Variants in TBC1D5 observed in about 807,000 individuals in gnomAD.
The protein encoded by TBC1D5 is TBC1 domain family, member 5.
TBC1D5 carries 75 observed loss-of-function variants against 100.3 expected under a neutral mutation model. The ratio of observed to expected loss-of-function variants is 0.75; its 90% CI spans 0.62 to 0.91. The LOEUF (loss-of-function observed/expected upper bound fraction) is 0.91, where lower values mean the gene tolerates loss of function less well. TBC1D5 is among the 40% of genes least tolerant of loss of function. The pLI is 0.00. For missense variants in TBC1D5, 910 were observed against 942.4 expected (o/e 0.97, Z 0.45); for synonymous variants, 323 against 325.6 (o/e 0.99, Z 0.09).
At chr3:17,569,639 A>C (rs1263569934) in intron 2 of TBC1D5, among the ~76,000 whole-genome samples, 4 of 151,714 alleles carry the variant, frequency 2.6e-5, no homozygotes, top group Admixed American at 6.6e-5. Flanking sequence ...AATGCACTTG[A>C]GCCTGAAGCT....
intron 13 of TBC1D5, among the ~76,000 whole-genome samples, chr3:17,361,763 G>A (rs1413009725): frequency 6.6e-6 from 1 of 151,846 alleles, no homozygotes; most frequent in Non-Finnish European, 1.5e-5. Context: ...GTAACTTATA[G>A]CAATAAAAAC....
intron 3 of TBC1D5, among the ~76,000 whole-genome samples, chr3:17,507,051 A>T (rs183156840): frequency 6.6e-6 from 1 of 152,264 alleles, no homozygotes; most frequent in East Asian, 1.9e-4. Context: ...AACAAAAACT[A>T]TGTCCTCAAA....
At chr3:17,226,488 C>T (rs759225024) in intron 17 of TBC1D5, among the ~76,000 whole-genome samples, 4 of 152,174 alleles carry the variant, frequency 2.6e-5, no homozygotes, top group Admixed American at 1.3e-4. Flanking sequence ...CTGTTGATGG[C>T]TCCCCTGAGT....
At chr3:17,587,599 A>G (rs187467525) in intron 2 of TBC1D5, among the ~76,000 whole-genome samples, 390 of 152,140 alleles carry the variant, frequency 2.6e-3, no homozygotes, top group Non-Finnish European at 4.9e-3. Context: ...TATTGAATAC[A>G]ATTCATGTTT....
intron 1 of TBC1D5, among the ~76,000 whole-genome samples, chr3:17,646,369 T>C (rs1430505618): frequency 6.6e-6 from 1 of 152,100 alleles, no homozygotes; most frequent in South Asian, 2.1e-4. Context: ...AGTTTTTGGT[T>C]CTTTGTTATG....
chr3:17,248,008 T>G (rs1246064332), intron 16 of TBC1D5, among the ~76,000 whole-genome samples: 1 of 151,622 alleles, frequency 6.6e-6, no homozygotes, highest in Non-Finnish European at 1.5e-5. Context: ...TTTTTTTTCT[T>G]CTAAACAGAG....
intron 1 of TBC1D5, among the ~76,000 whole-genome samples, chr3:17,735,571 C>T (rs2076898332): frequency 6.6e-6 from 1 of 152,304 alleles, no homozygotes; most frequent in Non-Finnish European, 1.5e-5. Flanking sequence ...GGAATGGAAC[C>T]TTGGGCCTTA....
At chr3:17,633,585 AG>A (rs763501941) in intron 1 of TBC1D5, among the ~76,000 whole-genome samples, 1 of 152,210 alleles carries the variant, frequency 6.6e-6, no homozygotes, top group Non-Finnish European at 1.5e-5. Flanking sequence ...AACAGAGCTA[AG>A]GATCTGGAAG....
At chr3:17,568,912 T>A (rs2096609333) in intron 2 of TBC1D5, among the ~76,000 whole-genome samples, 1 of 151,748 alleles carries the variant, frequency 6.6e-6, no homozygotes, top group Non-Finnish European at 1.5e-5. Flanking sequence ...TGTTGATGCA[T>A]TTTAATTTCA....
chr3:17,700,819 G>A (rs999981136), intron 1 of TBC1D5, among the ~76,000 whole-genome samples: 2 of 152,102 alleles, frequency 1.3e-5, no homozygotes, highest in Non-Finnish European at 2.9e-5. Context: ...TCATTAAAAA[G>A]TCAGGAAACA....
At chr3:17,481,332 A>G (rs2150326964) in intron 3 of TBC1D5, among the ~76,000 whole-genome samples, 1 of 152,336 alleles carries the variant, frequency 6.6e-6, no homozygotes, top group African/African-American at 2.4e-5. Flanking sequence ...GATTTGGGTG[A>G]GTAGCACGAG....
chr3:17,249,121 G>A (rs2149260523), intron 16 of TBC1D5, among the ~76,000 whole-genome samples: 1 of 152,280 alleles, frequency 6.6e-6, no homozygotes, highest in Non-Finnish European at 1.5e-5. Flanking sequence ...TGGTCTGATT[G>A]TCTACCCAGA....
In TBC1D5 at chr3:17,378,059, TA is replaced by T. The variant is rs574750873; in HGVS notation, c.613-1447del. ...CTCCAAAAAGAAAGTGCCATAATTT[TA>T]ATCATTAAAATAATAAATAAGTATT... On this transcript the variant is annotated intron_variant, in intron 9 of 21. Transcript: ENST00000253692. Among the ~76,000 whole-genome samples, 434 of 151,984 alleles carry T rather than the reference TA, an allele frequency of 2.9e-3. 2 individuals are homozygous for T. Among genetic ancestry groups the T allele is most frequent in the Non-Finnish European group, 5.3e-3 (356 of 67,806 alleles).
intron 15 of TBC1D5, among the ~76,000 whole-genome samples, chr3:17,271,268 T>C (rs1350205025): frequency 6.6e-6 from 1 of 152,182 alleles, no homozygotes; most frequent in Non-Finnish European, 1.5e-5. Context: ...TTTCCATTTG[T>C]TTTTGTCACC....
intron 2 of TBC1D5, among the ~76,000 whole-genome samples, chr3:17,576,801 G>C (rs2096659638): frequency 1.3e-5 from 2 of 151,912 alleles, no homozygotes; most frequent in South Asian, 4.1e-4. Context: ...TTCAAAAACA[G>C]GCATTCCAAA....
intron 13 of TBC1D5, among the ~76,000 whole-genome samples, chr3:17,365,263 G>C (rs2092032285): frequency 3.9e-5 from 6 of 152,086 alleles, no homozygotes; most frequent in Admixed American, 3.9e-4. Flanking sequence ...AGTGGGAAAA[G>C]CATATTTTTA....
chr3:17,324,659 T>C (rs1239908609), intron 13 of TBC1D5, among the ~76,000 whole-genome samples: 2 of 151,428 alleles, frequency 1.3e-5, no homozygotes, highest in Admixed American at 1.3e-4. Context: ...AAAATGAAAA[T>C]GAAAATACAA....
At chr3:17,616,461 G>T (rs186783841) in intron 2 of TBC1D5, among the ~76,000 whole-genome samples, 31 of 152,098 alleles carry the variant, frequency 2.0e-4, no homozygotes, top group East Asian at 1.2e-3. Context: ...TTCTGTCTCG[G>T]TGATCTGTCT....
chr3:17,422,695 A>G (rs1225942714), intron 4 of TBC1D5, among the ~76,000 whole-genome samples: 1 of 152,140 alleles, frequency 6.6e-6, no homozygotes, highest in East Asian at 1.9e-4. Flanking sequence ...TGTAAAAGGT[A>G]CTATACTAAA....
Sources: allele counts gnomAD v4.1 joint callset (sites outside exome capture counted in the v4.1 genomes callset), GRCh38; gene constraint gnomAD v4.1.1; transcripts MANE v1.5; gene names NCBI Gene and HGNC (gene_info 2026-07-23, HGNC 2026-07-21).